The following CDHR3 variants were observed in gnomAD, a reference collection of about 807,000 sequenced individuals.
The protein encoded by CDHR3 is cadherin-related family member 3.
CDHR3 carries 79 observed loss-of-function variants against 86.6 expected under a neutral mutation model. The ratio of observed to expected loss-of-function variants is 0.91; its 90% CI spans 0.76 to 1.10. The LOEUF (loss-of-function observed/expected upper bound fraction) is 1.10, where lower values mean the gene tolerates loss of function less well. Ranked by LOEUF, CDHR3 falls within the 50% of genes least tolerant of loss-of-function variation. CDHR3 has a pLI of 0.00. For synonymous variants in CDHR3, 421 were observed against 402.4 expected, an observed-to-expected ratio of 1.05 and a Z score of -0.55; for missense variants, 1,081 against 1,077.6, an observed-to-expected ratio of 1.00 and a Z score of -0.04.
chr7:105,981,187 C>G, intron 3 of CDHR3, 54 bp downstream of exon 3: 1 of 1,543,530 alleles, frequency 6.5e-7, no homozygotes. Flanking sequence ...CAGGGAGGGC[C>G]CTGGGGGACA....
In CDHR3 at chr7:106,000,012, G is replaced by A. The variant is rs1832888613; in HGVS notation, c.714-1450G>A. 4.6e-5 allele frequency among the ~76,000 whole-genome samples: 7 copies of A among 152,366 alleles called. No individual in the cohort carries two copies. The South Asian group carries it at 1.2e-3, about 27-fold the overall frequency. On this transcript the variant is annotated intron_variant, in intron 6 of 18. Coordinates refer to ENST00000317716, the MANE Select transcript of CDHR3 (RefSeq NM_152750.5). ...ATTCACAGAAGGGACCGAGGGGCTT[G>A]GCCCAGCCTGGGGGCGCTGGGGCCA...
chr7:106,011,640 AGT>A (rs1255289741), intron 8 of CDHR3, among the ~76,000 whole-genome samples: 1 of 152,208 alleles, frequency 6.6e-6, no homozygotes, highest in Non-Finnish European at 1.5e-5. Flanking sequence ...GTTTTGGGAC[AGT>A]GTGTTATGTA....
chr7:105,965,278 C>T (rs1201252272), intron 1 of CDHR3, among the ~76,000 whole-genome samples: 8 of 152,078 alleles, frequency 5.3e-5, no homozygotes, highest in Non-Finnish European at 8.8e-5. Flanking sequence ...CTGTTGGAAG[C>T]AGGCATCACT....
intron 2 of CDHR3, among the ~76,000 whole-genome samples, 190 bp downstream of exon 2, chr7:105,975,236 T>G (rs1340224480): frequency 1.3e-5 from 2 of 152,132 alleles, no homozygotes; most frequent in Non-Finnish European, 2.9e-5. Context: ...CTTTGGACCT[T>G]CCCCACTCCA....
At chr7:105,990,377 T>C (rs1414059850) in intron 4 of CDHR3, among the ~76,000 whole-genome samples, 9 of 152,210 alleles carry the variant, frequency 5.9e-5, no homozygotes, top group Non-Finnish European at 1.5e-5. Context: ...GATAGTTTTT[T>C]TTCTTCTAGG....
At position 105,984,154 on chromosome 7, in the gene CDHR3, A is replaced by T. The variant is rs1236707750; in HGVS notation, c.416-38A>T. 2.9e-6 allele frequency: 4 copies of T among 1,363,378 alleles called. No individual in the cohort carries two copies. In the South Asian group the frequency reaches 4.5e-5, roughly 15 times the overall value. 84.5% of individuals were successfully genotyped at this position (1,363,378 alleles called of 1,614,324 possible). On this transcript the variant is annotated intron_variant, in intron 3 of 18. Coordinates refer to ENST00000317716, the MANE Select transcript of CDHR3 (RefSeq NM_152750.5). ...TTTGGAATTCCCCATTTTTGCTTTA[A>T]TAAGATGTTTCTTATTCCACTTTGG... is the stretch of plus-strand genomic sequence containing the variant.
At chr7:106,028,498 A>T in intron 16 of CDHR3, 53 bp from the exon 17 acceptor site, 1 of 1,607,022 alleles carries the variant, frequency 6.2e-7, no homozygotes, top group South Asian at 1.1e-5. Context: ...TGGAATTTTA[A>T]GGTCAATTTA....
chr7:105,964,157 G>A (rs1208399332), intron 1 of CDHR3, among the ~76,000 whole-genome samples: 1 of 152,132 alleles, frequency 6.6e-6, no homozygotes, highest in Admixed American at 6.5e-5. Flanking sequence ...CAGGGTTCTA[G>A]ATACTTGTTT....
chr7:105,985,512 C>T (rs1331343994), intron 4 of CDHR3, among the ~76,000 whole-genome samples: 2 of 152,136 alleles, frequency 1.3e-5, no homozygotes, highest in African/African-American at 4.8e-5. Context: ...AATTGGACTA[C>T]TTTTTCTAAC....
At chr7:105,968,991 G>A (rs1406561432) in intron 1 of CDHR3, among the ~76,000 whole-genome samples, 1 of 152,010 alleles carries the variant, frequency 6.6e-6, no homozygotes, top group East Asian at 1.9e-4. Context: ...GGGAGGCTGA[G>A]GCAGGAGAAT....
intron 2 of CDHR3, among the ~76,000 whole-genome samples, chr7:105,975,586 C>G (rs1021547276): frequency 4.6e-5 from 7 of 152,228 alleles, no homozygotes; most frequent in African/African-American, 1.7e-4. Flanking sequence ...CATTGACATT[C>G]AAGAGGCATG....
At position 106,009,627 on chromosome 7, in the gene CDHR3, C is replaced by A. The variant is rs541509402; in HGVS notation, c.1053-3233C>A. Among the ~76,000 whole-genome samples the A allele has an allele frequency of 2.6e-5, 4 of 152,282 alleles. No individual in the cohort carries two copies. In the East Asian group the frequency reaches 7.7e-4, roughly 29 times the overall value. The stretch of plus-strand genomic sequence containing the variant: ...CTGGAGGCGGTGTGCTGTGCTCCCG[C>A]AGGGAGGAGGGCGGCGTGGAGGAGG... On this transcript the variant is annotated intron_variant, in intron 8 of 18. Transcript: ENST00000317716.
intron 14 of CDHR3, among the ~76,000 whole-genome samples, chr7:106,024,162 T>G (rs920774371): frequency 6.6e-6 from 1 of 152,192 alleles, no homozygotes; most frequent in Non-Finnish European, 1.5e-5. Flanking sequence ...GAGTTGTTTT[T>G]CAGTTCCCTA....
In CDHR3 at chr7:106,034,278, G is replaced by A. The variant is rs1228504169; in HGVS notation, c.*1581G>A. On this transcript the variant is annotated 3_prime_UTR_variant, in exon 19 of 19. Transcript: ENST00000317716. Reference sequence around the variant, plus strand: ...CTTCACTCGAGCTCTATGCCCTGCTGCCCAGCTGCTGCGACCCTAGTCCAG... The same window carrying A: ...CTTCACTCGAGCTCTATGCCCTGCTACCCAGCTGCTGCGACCCTAGTCCAG... Among the ~76,000 whole-genome samples, 2 of 152,194 alleles carry A rather than the reference G, an allele frequency of 1.3e-5. No homozygotes were observed. The highest frequency in any genetic ancestry group is 2.9e-5 in the Non-Finnish European group (2 of 68,028).
Position 106,001,453 on chromosome 7 carries a change from C to T in CDHR3, c.714-9C>T. The T allele has an allele frequency of 6.2e-7, 1 of 1,613,434 alleles. No individual in the cohort carries two copies. The highest frequency in any genetic ancestry group is 8.5e-7 in the Non-Finnish European group (1 of 1,179,404). On this transcript the variant is annotated splice_polypyrimidine_tract_variant and intron_variant, in intron 6 of 18. Transcript: ENST00000317716. ...GAAATTAGCTGTGTCTGCTGTATCT[C>T]TGTTCCAGCCCGACACGAGTGTACA...
intron 6 of CDHR3, among the ~76,000 whole-genome samples, chr7:105,997,552 C>T (rs1585668647): frequency 6.6e-6 from 1 of 152,096 alleles, no homozygotes; most frequent in Admixed American, 6.5e-5. Flanking sequence ...CATCCCAGCC[C>T]GGACTCAGGC....
At chr7:106,004,827 A>G (rs1373570659) in intron 8 of CDHR3, 140 bp downstream of exon 8, 2 of 758,052 alleles carry the variant, frequency 2.6e-6, no homozygotes, top group African/African-American at 1.8e-5. Context: ...TGAACTGTTC[A>G]CTGTTGTCCA....
At chr7:105,984,491 C>T (rs1447976137) in intron 4 of CDHR3, among the ~76,000 whole-genome samples, 1 of 152,110 alleles carries the variant, frequency 6.6e-6, no homozygotes, top group African/African-American at 2.4e-5. Flanking sequence ...ATTTGTGGCT[C>T]TGTGTGATCT....
At chr7:105,978,782 A>T (rs1009142604) in intron 2 of CDHR3, among the ~76,000 whole-genome samples, 2 of 152,144 alleles carry the variant, frequency 1.3e-5, no homozygotes, top group African/African-American at 4.8e-5. Flanking sequence ...TCCAAGATAC[A>T]ACATTTTTGG....
Sources: allele counts gnomAD v4.1 joint callset (sites outside exome capture counted in the v4.1 genomes callset), GRCh38; gene constraint gnomAD v4.1.1; transcripts MANE v1.5; gene names NCBI Gene and HGNC (gene_info 2026-07-23, HGNC 2026-07-21).